The following GRID2 variants were observed in gnomAD, a reference collection of about 807,000 sequenced individuals.
GRID2 encodes glutamate ionotropic receptor delta type subunit 2.
In GRID2, 33 loss-of-function variants were observed where a neutral mutation model predicts 114.8. The observed-to-expected ratio is 0.29, with a 90% confidence interval of 0.22 to 0.38. GRID2 has a LOEUF of 0.38. GRID2 is among the 10% of genes least tolerant of loss of function. The pLI is 1.00. For missense variants in GRID2, 1,184 were observed against 1,257.7 expected (o/e 0.94, Z 0.89); for synonymous variants, 505 against 449.9 (o/e 1.12, Z -1.55).
At chr4:92,423,998 A>T (rs1354619468) in intron 1 of GRID2, among the ~76,000 whole-genome samples, 1 of 152,140 alleles carries the variant, frequency 6.6e-6, no homozygotes, top group Non-Finnish European at 1.5e-5. Context: ...CTCTTCAAGT[A>T]GTGTTAAACC....
chr4:92,713,154 A>AC (rs368057442), intron 2 of GRID2, among the ~76,000 whole-genome samples: 9,284 of 145,588 alleles, frequency 0.064, 364 homozygotes, highest in East Asian at 0.091. Flanking sequence ...CGCTCCCCCC[A>AC]CCCCACAACA....
intron 1 of GRID2, among the ~76,000 whole-genome samples, chr4:92,370,072 T>G (rs1729050204): frequency 6.6e-6 from 1 of 152,200 alleles, no homozygotes; most frequent in South Asian, 2.1e-4. Flanking sequence ...TGGCATAATT[T>G]TACCAACAAC....
At chr4:93,436,392 T>A (rs1721089098) in intron 10 of GRID2, among the ~76,000 whole-genome samples, 1 of 152,126 alleles carries the variant, frequency 6.6e-6, no homozygotes, top group South Asian at 2.1e-4. Context: ...TATGAAGTAT[T>A]GTGTTCAAGA....
intron 2 of GRID2, among the ~76,000 whole-genome samples, chr4:92,649,211 T>A: frequency 8.4e-6 from 1 of 118,486 alleles, no homozygotes; most frequent in Non-Finnish European, 1.8e-5. Context: ...TATGAAAATT[T>A]GCCATATGAC....
At chr4:92,623,844 T>C (rs1273344070) in intron 2 of GRID2, among the ~76,000 whole-genome samples, 2 of 151,786 alleles carry the variant, frequency 1.3e-5, no homozygotes, top group Admixed American at 6.6e-5. Context: ...TGATATTTTA[T>C]ACCATATTCT....
At chr4:93,644,815 G>T (rs1362409510) in intron 14 of GRID2, among the ~76,000 whole-genome samples, 1 of 152,018 alleles carries the variant, frequency 6.6e-6, no homozygotes, top group African/African-American at 2.4e-5. Flanking sequence ...TTAGGACAAG[G>T]GGAATCATTG....
intron 1 of GRID2, among the ~76,000 whole-genome samples, chr4:92,462,866 A>G (rs1478844064): frequency 6.6e-6 from 1 of 151,928 alleles, no homozygotes; most frequent in African/African-American, 2.4e-5. Flanking sequence ...TCCCTTTTCT[A>G]TGGAGGGCCA....
intron 13 of GRID2, among the ~76,000 whole-genome samples, chr4:93,564,846 A>G (rs894671277): frequency 3.3e-5 from 5 of 152,128 alleles, no homozygotes; most frequent in African/African-American, 7.2e-5. Flanking sequence ...TATTACAAAT[A>G]TACGTCACTG....
At chr4:93,793,335 A>G (rs1734733785) in intron 1 of GRID2, among the ~76,000 whole-genome samples, 2 of 152,170 alleles carry the variant, frequency 1.3e-5, no homozygotes, top group Admixed American at 1.3e-4. Context: ...TAAGAGATTA[A>G]AGAAAAACAT....
intron 2 of GRID2, among the ~76,000 whole-genome samples, chr4:92,704,723 T>TCTCTCTCTTTC (rs1734861937): frequency 1.1e-5 from 1 of 90,050 alleles, no homozygotes; most frequent in African/African-American, 4.2e-5. Flanking sequence ...CTCTCTCTCT[T>TCTCTCTCTTTC]TCTCTCTCTC....
intron 8 of GRID2, among the ~76,000 whole-genome samples, chr4:93,330,635 A>G (rs1159426806): frequency 5.3e-5 from 8 of 152,118 alleles, no homozygotes; most frequent in African/African-American, 1.2e-4. Flanking sequence ...CTACTCTTCA[A>G]CGCTACTCTC....
chr4:92,521,250 T>TTG (rs1724762129), intron 1 of GRID2, among the ~76,000 whole-genome samples: 1 of 151,944 alleles, frequency 6.6e-6, no homozygotes, highest in Non-Finnish European at 1.5e-5. Context: ...CTTATTACTA[T>TTG]TGAAATTTCA....
At chr4:93,158,403 A>G (rs900784021) in intron 4 of GRID2, among the ~76,000 whole-genome samples, 2 of 151,796 alleles carry the variant, frequency 1.3e-5, no homozygotes, top group East Asian at 1.9e-4. Flanking sequence ...TTTGCTTCTC[A>G]TTGTCACATG....
intron 9 of GRID2, among the ~76,000 whole-genome samples, chr4:93,420,731 C>CTTACTTAT (rs1553926740): frequency 1.4e-5 from 2 of 146,244 alleles, no homozygotes; most frequent in African/African-American, 2.5e-5. Context: ...ATTATTTTTA[C>CTTACTTAT]TTATTTATTT....
intron 2 of GRID2, among the ~76,000 whole-genome samples, chr4:92,812,126 C>A (rs920836278): frequency 2.0e-5 from 3 of 152,010 alleles, no homozygotes; most frequent in African/African-American, 7.2e-5. Context: ...TTGTTTTTAG[C>A]AATAGCTTAT....
At chr4:92,590,478 G>A (rs986468703) in intron 2 of GRID2, among the ~76,000 whole-genome samples, 192 bp downstream of exon 2, 1 of 152,124 alleles carries the variant, frequency 6.6e-6, no homozygotes, top group Non-Finnish European at 1.5e-5. Flanking sequence ...AATGTGGAAA[G>A]TTATTATATT....
chr4:93,417,270 C>T (rs189451871), intron 9 of GRID2, among the ~76,000 whole-genome samples: 107 of 152,168 alleles, frequency 7.0e-4, no homozygotes, highest in African/African-American at 2.5e-3. Context: ...ATCCATTCTA[C>T]ACTCTACTCT....
intron 13 of GRID2, among the ~76,000 whole-genome samples, chr4:93,527,879 T>C (rs1328160441): frequency 6.6e-6 from 1 of 151,794 alleles, no homozygotes; most frequent in Non-Finnish European, 1.5e-5. Flanking sequence ...CATTCCCTCT[T>C]CCCCCCAAGG....
chr4:92,475,847 T>A (rs1170015837), intron 1 of GRID2, among the ~76,000 whole-genome samples: 1 of 152,032 alleles, frequency 6.6e-6, no homozygotes, highest in Non-Finnish European at 1.5e-5. Context: ...CTTTTGTCAA[T>A]ATTATATAGT....
Sources: gnomAD v4.1 joint callset for allele counts (sites outside exome capture counted in the v4.1 genomes callset) on GRCh38, gnomAD v4.1.1 for gene constraint, MANE v1.5 for transcripts, NCBI Gene and HGNC (gene_info 2026-07-23, HGNC 2026-07-21) for gene names.